RGS22: variants seen among roughly 807,000 people sequenced by gnomAD.
RGS22 encodes regulator of G protein signaling 22.
RGS22 carries 148 observed loss-of-function variants against 172.9 expected under a neutral mutation model. The observed-to-expected ratio is 0.86, with a 90% CI of 0.75 to 0.98. The LOEUF (loss-of-function observed/expected upper bound fraction) is 0.98. RGS22 is among the 50% of genes least tolerant of loss of function. The probability of loss-of-function intolerance (pLI) is 0.00; values close to 1 mark genes in which losing one functional copy is unlikely to be tolerated. For synonymous variants in RGS22, 458 were observed against 480.2 expected, an observed-to-expected ratio of 0.95 and a Z score of 0.60; for missense variants, 1,347 against 1,440.8, an observed-to-expected ratio of 0.93 and a Z score of 1.05.
Position 99,962,964 on chromosome 8 carries a change from G to A in RGS22, c.3630C>T (p.Tyr1210=). Residue 1210 remains tyrosine, a synonymous_variant, in exon 25 of 28, where the codon TAC becomes TAT. Coordinates refer to ENST00000360863, the MANE Select transcript of RGS22 (RefSeq NM_015668.5). ...QPYGRQPTWC[Y]SKYIEALEQE... is the part of the protein sequence containing the mutation. ...GTTCTAAGGCTTCTATATACTTTGA[G>A]TAGCACCAGGTTGGCTAAAAAAAGC... The A allele has an allele frequency of 6.4e-7, 1 of 1,569,700 alleles. No individual in the cohort carries two copies. Among genetic ancestry groups the A allele is most frequent in the South Asian group, 1.2e-5 (1 of 82,188 alleles).
intron 6 of RGS22, among the ~76,000 whole-genome samples, chr8:100,070,038 A>AC (rs995321415): frequency 3.3e-5 from 5 of 150,000 alleles, no homozygotes; most frequent in Non-Finnish European, 7.4e-5. Flanking sequence ...AAAAAAAAAA[A>AC]AAAAAAAAAA....
chr8:100,005,793 C>G (rs1349280560), intron 16 of RGS22, among the ~76,000 whole-genome samples: 1 of 152,166 alleles, frequency 6.6e-6, no homozygotes, highest in Admixed American at 6.6e-5. Flanking sequence ...AGTGGCCTGG[C>G]TCCCTACCAA....
rs1437744581 is a variant in RGS22, at chr8:100,038,982, C to T, written c.2115G>A (p.Gln705=). The change falls in exon 14 of 28, where the codon CAG becomes CAA. Residue 705 remains glutamine (Q), a synonymous_variant. Transcript: ENST00000360863. ...GCTGAAGTGTTTCTTGGTAGAAAAG[C>T]TGATGATAAGCCTGCAGGTCAAACC... ...YFWFDLQAYH[Q]LFYQETLQPF... is the part of the protein sequence containing the mutation. 6.2e-6 allele frequency: 10 copies of T among 1,612,974 alleles called. No homozygotes were observed. Among genetic ancestry groups the T allele is most frequent in the African/African-American group, 1.3e-5 (1 of 74,912 alleles).
chr8:100,021,584 C>A (rs550018821), intron 14 of RGS22, among the ~76,000 whole-genome samples: 1 of 152,008 alleles, frequency 6.6e-6, no homozygotes, highest in Non-Finnish European at 1.5e-5. Flanking sequence ...CCAAAGAGAC[C>A]AAAATCACTT....
intron 14 of RGS22, among the ~76,000 whole-genome samples, chr8:100,023,609 A>AT (rs925757392): frequency 5.9e-5 from 9 of 151,696 alleles, no homozygotes; most frequent in Admixed American, 2.0e-4. Context: ...AATTTTTTTA[A>AT]TTTTTTGTAG....
At chr8:100,002,128 G>C in intron 18 of RGS22, 74 bp downstream of exon 18, 1 of 1,177,556 alleles carries the variant, frequency 8.5e-7, no homozygotes, top group South Asian at 1.7e-5. Flanking sequence ...GAGACTTTCA[G>C]GTTGTTGGCA....
chr8:100,041,032 T>C (rs185616382), intron 12 of RGS22, among the ~76,000 whole-genome samples: 188 of 152,226 alleles, frequency 1.2e-3, no homozygotes, highest in Non-Finnish European at 1.7e-3. Flanking sequence ...ATAAAATAAA[T>C]AGTTATGCAA....
intron 3 of RGS22, among the ~76,000 whole-genome samples, chr8:100,090,376 G>C (rs1812483741): frequency 6.6e-6 from 1 of 152,036 alleles, no homozygotes; most frequent in Non-Finnish European, 1.5e-5. Context: ...TGGTGGGCTA[G>C]GGGAGGCAGG....
At chr8:99,963,731 T>G (rs1810441801) in intron 24 of RGS22, among the ~76,000 whole-genome samples, 1 of 152,304 alleles carries the variant, frequency 6.6e-6, no homozygotes, top group South Asian at 2.1e-4. Context: ...TCGAAGTATA[T>G]GAGAGGATGT....
At chr8:100,103,489 G>A (rs1277502908) in intron 2 of RGS22, among the ~76,000 whole-genome samples, 1 of 152,224 alleles carries the variant, frequency 6.6e-6, no homozygotes, top group Non-Finnish European at 1.5e-5. Flanking sequence ...AGGAAAGACA[G>A]CATAGTGTGG....
intron 4 of RGS22, among the ~76,000 whole-genome samples, chr8:100,074,082 G>A (rs1811175106): frequency 6.6e-6 from 1 of 152,054 alleles, no homozygotes; most frequent in Admixed American, 6.6e-5. Context: ...CTTTAAGTTG[G>A]TTAAGAAACA....
At chr8:99,998,255 G>T (rs1412852277) in intron 19 of RGS22, among the ~76,000 whole-genome samples, 4 of 152,164 alleles carry the variant, frequency 2.6e-5, no homozygotes, top group African/African-American at 9.6e-5. Flanking sequence ...CATGTGCCAG[G>T]CACCATTCTA....
At chr8:99,988,111 A>G (rs994919684) in intron 20 of RGS22, among the ~76,000 whole-genome samples, 2 of 151,510 alleles carry the variant, frequency 1.3e-5, no homozygotes, top group African/African-American at 4.8e-5. Context: ...TAAATAATTT[A>G]CTATAGAGCT....
At chr8:99,964,389 G>A (rs748498748) in intron 24 of RGS22, among the ~76,000 whole-genome samples, 1 of 151,354 alleles carries the variant, frequency 6.6e-6, no homozygotes, top group Non-Finnish European at 1.5e-5. Context: ...AGGAAGTTGA[G>A]GCTGCAAAGA....
chr8:100,070,085 C>T (rs74403472), intron 6 of RGS22, among the ~76,000 whole-genome samples: 2 of 122,956 alleles, frequency 1.6e-5, no homozygotes, highest in African/African-American at 5.9e-5. Context: ...AGAAAAATAA[C>T]GAATCTAAGT....
At chr8:100,034,878 T>C (rs887666197) in intron 14 of RGS22, among the ~76,000 whole-genome samples, 7 of 152,138 alleles carry the variant, frequency 4.6e-5, no homozygotes, top group Admixed American at 1.3e-4. Context: ...ATTTAATAAA[T>C]GGTGCTGGGA....
intron 11 of RGS22, among the ~76,000 whole-genome samples, chr8:100,045,795 T>G (rs547310173): frequency 1.5e-4 from 23 of 151,652 alleles, no homozygotes; most frequent in Admixed American, 5.3e-4. Context: ...AACTCATGCC[T>G]GTATGTCCTT....
intron 9 of RGS22, among the ~76,000 whole-genome samples, chr8:100,055,197 C>A (rs541068784): frequency 3.9e-5 from 6 of 152,288 alleles, no homozygotes; most frequent in Admixed American, 3.9e-4. Flanking sequence ...AGGGCTTGGG[C>A]AAGACCCAGT....
At chr8:99,974,605 C>G (rs1392710622) in intron 23 of RGS22, among the ~76,000 whole-genome samples, 1 of 151,514 alleles carries the variant, frequency 6.6e-6, no homozygotes, top group African/African-American at 2.4e-5. Context: ...CGAGACCAGC[C>G]TGGCCAACAT....
Sources: allele counts gnomAD v4.1 joint callset (sites outside exome capture counted in the v4.1 genomes callset), GRCh38; gene constraint gnomAD v4.1.1; transcripts MANE v1.5; gene names NCBI Gene and HGNC (gene_info 2026-07-23, HGNC 2026-07-21).